Variants in CSMD1 observed in about 807,000 individuals in gnomAD.
CSMD1 encodes CUB and Sushi multiple domains 1.
A neutral mutation model predicts 417.5 loss-of-function variants in CSMD1; 213 were observed. The ratio of observed to expected loss-of-function variants is 0.51; its 90% CI spans 0.46 to 0.57. The LOEUF (loss-of-function observed/expected upper bound fraction) is 0.57. CSMD1 is among the 20% of genes least tolerant of loss of function. CSMD1 has a pLI of 0.00. For missense variants in CSMD1, 6,923 were observed against 4,529.7 expected (o/e 1.53, Z -15.17); for synonymous variants, 2,862 against 1,736.8 (o/e 1.65, Z -16.11).
chr8:4,794,362 G>T (rs764328862), intron 1 of CSMD1, among the ~76,000 whole-genome samples: 37 of 151,956 alleles, frequency 2.4e-4, no homozygotes, highest in Non-Finnish European at 4.4e-5. Flanking sequence ...CATATAGGAG[G>T]GATTTCTTTT....
intron 5 of CSMD1, among the ~76,000 whole-genome samples, chr8:3,895,471 G>GA (rs1807298719): frequency 6.6e-6 from 1 of 151,892 alleles, no homozygotes; most frequent in Non-Finnish European, 1.5e-5. Context: ...AGACAAAAAA[G>GA]AAAAAATCAA....
At chr8:3,983,245 C>G (rs1183656179) in intron 5 of CSMD1, among the ~76,000 whole-genome samples, 1 of 151,538 alleles carries the variant, frequency 6.6e-6, no homozygotes, top group Non-Finnish European at 1.5e-5. Context: ...ATTCTCCTGC[C>G]TCAGCCTCCC....
At chr8:3,785,887 C>G (rs533342274) in intron 5 of CSMD1, among the ~76,000 whole-genome samples, 2 of 152,300 alleles carry the variant, frequency 1.3e-5, no homozygotes, top group South Asian at 4.1e-4. Flanking sequence ...ATGTTTGTGT[C>G]TAAACATTAA....
chr8:3,283,468 C>T (rs1159799200), intron 26 of CSMD1, among the ~76,000 whole-genome samples: 5 of 151,948 alleles, frequency 3.3e-5, no homozygotes, highest in Admixed American at 6.6e-5. Context: ...TAAGTAGGTC[C>T]ATTGCTGGTC....
chr8:4,146,381 G>A (rs966777573), intron 3 of CSMD1, among the ~76,000 whole-genome samples: 1 of 150,486 alleles, frequency 6.6e-6, no homozygotes, highest in Non-Finnish European at 1.5e-5. Context: ...TGCAGAGCTG[G>A]CAATTCGGGG....
At chr8:2,986,872 T>C (rs1183681376) in intron 54 of CSMD1, among the ~76,000 whole-genome samples, 1 of 152,082 alleles carries the variant, frequency 6.6e-6, no homozygotes, top group Admixed American at 6.6e-5. Flanking sequence ...AAATATTAAT[T>C]TGGTGCAAAA....
intron 50 of CSMD1, among the ~76,000 whole-genome samples, chr8:3,043,362 T>C (rs1811235802): frequency 6.6e-6 from 1 of 152,112 alleles, no homozygotes; most frequent in African/African-American, 2.4e-5. Flanking sequence ...ATACAGATTA[T>C]ATAGTACCAT....
intron 52 of CSMD1, among the ~76,000 whole-genome samples, chr8:3,013,710 C>T (rs1267266705): frequency 6.6e-6 from 1 of 151,164 alleles, no homozygotes; most frequent in Non-Finnish European, 1.5e-5. Flanking sequence ...TGAGATCACA[C>T]CACTGCACTC....
chr8:4,070,935 C>T (rs1799523090), intron 3 of CSMD1, among the ~76,000 whole-genome samples: 1 of 152,120 alleles, frequency 6.6e-6, no homozygotes, highest in African/African-American at 2.4e-5. Context: ...TATGGATGGC[C>T]TCCATGGTGT....
At chr8:4,236,271 A>T (rs1388351319) in intron 3 of CSMD1, among the ~76,000 whole-genome samples, 3 of 152,062 alleles carry the variant, frequency 2.0e-5, no homozygotes, top group Admixed American at 6.6e-5. Context: ...TGTAATTGGC[A>T]CACTGATCGG....
At chr8:3,566,414 C>A (rs1050239904) in intron 10 of CSMD1, among the ~76,000 whole-genome samples, 1 of 152,022 alleles carries the variant, frequency 6.6e-6, no homozygotes, top group South Asian at 2.1e-4. Flanking sequence ...ATACAGCCAT[C>A]CCTTCACTCT....
intron 5 of CSMD1, among the ~76,000 whole-genome samples, chr8:3,756,915 C>A (rs548202787): frequency 1.3e-5 from 2 of 152,210 alleles, no homozygotes; most frequent in African/African-American, 4.8e-5. Flanking sequence ...CTTGCCTCAA[C>A]CTCTGGAGTA....
chr8:2,991,046 G>C (rs1401963960), intron 54 of CSMD1, among the ~76,000 whole-genome samples: 1 of 152,202 alleles, frequency 6.6e-6, no homozygotes, highest in Non-Finnish European at 1.5e-5. Flanking sequence ...CACCAATTCA[G>C]ATAAACTTGG....
rs956255873 is a variant in CSMD1, at chr8:2,935,445, T to G, written c.*3140A>C. On this transcript the variant is annotated 3_prime_UTR_variant, in exon 70 of 70. Coordinates refer to ENST00000635120, the MANE Select transcript of CSMD1 (RefSeq NM_033225.6). The stretch of plus-strand genomic sequence containing the variant: ...GCTATATTACACCCTCTTTATAATT[T>G]TTTTGACAAAAAAAAGATACTGTTC... 1.3e-5 allele frequency: 2 copies of G among 152,244 alleles called. No individual in the cohort carries two copies. The highest frequency in any genetic ancestry group is 2.9e-5 in the Non-Finnish European group (2 of 68,012). The allele number at this position is 152,244 out of a possible 1,614,324, so 9.4% of individuals were successfully genotyped here.
At chr8:3,178,444 T>C (rs1008613303) in intron 37 of CSMD1, among the ~76,000 whole-genome samples, 6 of 152,034 alleles carry the variant, frequency 3.9e-5, no homozygotes, top group African/African-American at 1.4e-4. Flanking sequence ...GTGTCATTGT[T>C]TGTAAAACAG....
rs144581790 is a variant in CSMD1, at chr8:3,828,946, G to C, written c.819-74904C>G. Among the ~76,000 whole-genome samples the C allele has an allele frequency of 7.4e-4, 113 of 151,964 alleles. 1 individual carries two copies. The highest frequency in any genetic ancestry group is 3.4e-3 in the Middle Eastern group (1 of 290). ...ACTTCTGCACACTGGTCTTCTTTCT[G>C]TTTCTTACATATGGCAACACAGTTC... On this transcript the variant is annotated intron_variant, in intron 5 of 69. Transcript: ENST00000635120.
intron 54 of CSMD1, among the ~76,000 whole-genome samples, chr8:2,985,408 T>G (rs1455396460): frequency 6.6e-6 from 1 of 151,180 alleles, no homozygotes; most frequent in African/African-American, 2.4e-5. Context: ...CTTCACCACG[T>G]GAGGGAGGAG....
intron 3 of CSMD1, among the ~76,000 whole-genome samples, chr8:4,262,776 G>C (rs918856791): frequency 6.6e-5 from 10 of 152,204 alleles, no homozygotes; most frequent in African/African-American, 1.2e-4. Context: ...CAGCTATGGA[G>C]AGGAAGGAAG....
chr8:3,411,762 G>GTGTA (rs1812731983), intron 12 of CSMD1, among the ~76,000 whole-genome samples: 1 of 119,026 alleles, frequency 8.4e-6, no homozygotes, highest in Non-Finnish European at 1.7e-5. Context: ...GTATATACGT[G>GTGTA]TATATACGTG....
Sources: gnomAD v4.1 joint callset for allele counts (sites outside exome capture counted in the v4.1 genomes callset) on GRCh38, gnomAD v4.1.1 for gene constraint, MANE v1.5 for transcripts, NCBI Gene and HGNC (gene_info 2026-07-23, HGNC 2026-07-21) for gene names.